The following DNAH8 variants were observed in gnomAD, a reference collection of about 807,000 sequenced individuals.
DNAH8 encodes dynein axonemal heavy chain 8, also known as axonemal beta dynein heavy chain 8.
Under a neutral mutation model 562.1 loss-of-function variants are expected in DNAH8, and 382 were observed. That is an observed-to-expected ratio of 0.68 (90% confidence interval 0.63 to 0.74). DNAH8 has a LOEUF of 0.74. Ranked by LOEUF, DNAH8 falls within the 30% of genes least tolerant of loss-of-function variation. DNAH8 has a pLI of 0.00. For missense variants in DNAH8, 5,203 were observed against 5,620.4 expected, an observed-to-expected ratio of 0.93 and a Z score of 2.37; for synonymous variants, 1,881 against 1,919.4, an observed-to-expected ratio of 0.98 and a Z score of 0.52.
chr6:38,721,011 G>A (rs1302871848), intron 1 of DNAH8, among the ~76,000 whole-genome samples: 7 of 152,142 alleles, frequency 4.6e-5, no homozygotes. Context: ...CAGACAGGTT[G>A]TTTGAAAATG....
intron 82 of DNAH8, among the ~76,000 whole-genome samples, chr6:38,959,338 G>T (rs1762464639): frequency 6.6e-6 from 1 of 152,110 alleles, no homozygotes; most frequent in Admixed American, 6.5e-5. Flanking sequence ...AAGTCAAATT[G>T]TCCCTATTTG....
chr6:38,943,623 G>A (rs1465778233), intron 79 of DNAH8, among the ~76,000 whole-genome samples: 2 of 152,114 alleles, frequency 1.3e-5, no homozygotes, highest in African/African-American at 4.8e-5. Context: ...ATAGAGCAAT[G>A]GACTTATCTT....
chr6:38,895,767 G>A lies in DNAH8; in HGVS notation c.8748-266G>A, dbSNP rs569075529. 4.6e-5 allele frequency among the ~76,000 whole-genome samples: 7 copies of A among 152,276 alleles called. No homozygotes were observed. In the South Asian group the frequency reaches 1.2e-3, roughly 27 times the overall value. ...AGAAAGAGGACGCTCGTCCACTACCGACCATCACTTCTGCTCTCCTATCGC... is the reference window on the plus strand; with the variant it reads ...AGAAAGAGGACGCTCGTCCACTACCAACCATCACTTCTGCTCTCCTATCGC... On this transcript the variant is annotated intron_variant, in intron 59 of 92. Coordinates refer to ENST00000327475, the MANE Select transcript of DNAH8 (RefSeq NM_001206927.2).
At chr6:39,011,807 C>T (rs2150772194) in intron 89 of DNAH8, among the ~76,000 whole-genome samples, 1 of 152,274 alleles carries the variant, frequency 6.6e-6, no homozygotes, top group Non-Finnish European at 1.5e-5. Flanking sequence ...GCTGTATTAA[C>T]TTTCTATGAC....
At position 38,924,128 on chromosome 6, in the gene DNAH8, T is replaced by G; in HGVS notation, c.10928T>G (p.Leu3643Arg). The change falls in exon 73 of 93, where the codon CTG (leucine) becomes CGG (arginine). Residue 3643 changes from leucine (L) to arginine (R), a missense_variant. Coordinates refer to ENST00000327475, the MANE Select transcript of DNAH8 (RefSeq NM_001206927.2). The part of the protein sequence containing the change: ...RARKIPFTEN[L>R]NLISMLVDPP... ...CGGAAAATTCCTTTCACAGAAAACC[T>G]GAATCTTATTTCAATGTTGGTGGAT... is the stretch of plus-strand genomic sequence containing the variant. 6.2e-7 allele frequency: 1 copy of G among 1,613,950 alleles called. No homozygotes were observed. The highest frequency in any genetic ancestry group is 8.5e-7 in the Non-Finnish European group (1 of 1,179,868).
chr6:38,956,628 G>A (rs1762262524), intron 82 of DNAH8, among the ~76,000 whole-genome samples: 1 of 152,194 alleles, frequency 6.6e-6, no homozygotes, highest in African/African-American at 2.4e-5. Context: ...TTCTGGGCTT[G>A]TGTCCCTGAC....
At chr6:38,906,908 T>C (rs1429200877) in intron 63 of DNAH8, among the ~76,000 whole-genome samples, 1 of 152,210 alleles carries the variant, frequency 6.6e-6, no homozygotes, top group African/African-American at 2.4e-5. Flanking sequence ...CTGAAACTTT[T>C]TGAGCACGGA....
intron 88 of DNAH8, among the ~76,000 whole-genome samples, chr6:38,996,299 G>A (rs1765128105): frequency 6.6e-6 from 1 of 151,956 alleles, no homozygotes; most frequent in Non-Finnish European, 1.5e-5. Flanking sequence ...TTATAGTCAT[G>A]TCCACCTTCC....
chr6:38,984,349 C>T, intron 87 of DNAH8, 42 bp downstream of exon 87: 2 of 1,324,326 alleles, frequency 1.5e-6, no homozygotes, highest in South Asian at 2.4e-5. Flanking sequence ...ACACATTTCA[C>T]TGTATTTTCC....
intron 91 of DNAH8, among the ~76,000 whole-genome samples, chr6:39,019,508 T>C (rs1224287251): frequency 6.6e-6 from 1 of 152,172 alleles, no homozygotes; most frequent in Non-Finnish European, 1.5e-5. Context: ...AGAATTCTGT[T>C]GAGGCTCTTC....
chr6:38,734,324 A>AG, intron 4 of DNAH8, 150 bp from the exon 5 acceptor site: 1 of 475,478 alleles, frequency 2.1e-6, no homozygotes, highest in Non-Finnish European at 3.0e-6. Context: ...ATCTTCTAGT[A>AG]GACCCCCCCC....
At chr6:38,876,149 TCATGATGCAAAGCA>T (rs1479981235) in intron 53 of DNAH8, among the ~76,000 whole-genome samples, 1 of 152,206 alleles carries the variant, frequency 6.6e-6, no homozygotes, top group Admixed American at 6.5e-5. Flanking sequence ...CACAGATTCT[TCATGATGCAAAGCA>T]TGCTAATACA....
intron 82 of DNAH8, among the ~76,000 whole-genome samples, chr6:38,955,016 G>A (rs1762153520): frequency 6.6e-6 from 1 of 152,164 alleles, no homozygotes; most frequent in Non-Finnish European, 1.5e-5. Flanking sequence ...CACCCAGGCT[G>A]GAGTGCAGTG....
intron 62 of DNAH8, among the ~76,000 whole-genome samples, chr6:38,903,843 C>A (rs374916850): frequency 8.9e-4 from 135 of 152,054 alleles, no homozygotes; most frequent in African/African-American, 2.8e-3. Flanking sequence ...AACTCCTGAC[C>A]TTGTGATCCA....
At chr6:38,777,635 G>A (rs1477964129) in intron 13 of DNAH8, among the ~76,000 whole-genome samples, 1 of 152,110 alleles carries the variant, frequency 6.6e-6, no homozygotes, top group Non-Finnish European at 1.5e-5. Flanking sequence ...TTCTTGCTAT[G>A]TTGCCCAAGC....
intron 8 of DNAH8, among the ~76,000 whole-genome samples, chr6:38,749,480 A>G (rs1765237346): frequency 6.6e-6 from 1 of 151,638 alleles, no homozygotes; most frequent in Admixed American, 6.6e-5. Flanking sequence ...ACCATGGCAC[A>G]TATATACTAT....
chr6:38,831,624 C>A (rs1773845625), intron 30 of DNAH8, among the ~76,000 whole-genome samples: 1 of 151,998 alleles, frequency 6.6e-6, no homozygotes, highest in Admixed American at 6.6e-5. Flanking sequence ...CAGTTAATAG[C>A]AGGGGCCCTG....
rs1195232317 is a variant in DNAH8, at chr6:38,924,148, G to A, written c.10948G>A (p.Val3650Met). 4 of 1,613,646 alleles carry A rather than the reference G, an allele frequency of 2.5e-6. No individual in the cohort carries two copies. Among genetic ancestry groups the A allele is most frequent in the Non-Finnish European group, 2.5e-6 (3 of 1,179,762 alleles). Residue 3650 changes from valine to methionine, a missense_variant, in exon 73 of 93, where the codon GTG becomes ATG. Physicochemically the swap from Val to Met is conservative, Grantham distance 21. Transcript: ENST00000327475. ...AAACCTGAATCTTATTTCAATGTTGGTGGATCCTCCAACTGTAAGTTTTAC... is the reference window on the plus strand; with the variant it reads ...AAACCTGAATCTTATTTCAATGTTGATGGATCCTCCAACTGTAAGTTTTAC... Reference protein sequence around the residue: ...TENLNLISMLVDPPTIGEWGL... With the variant: ...TENLNLISMLMDPPTIGEWGL...
At chr6:38,911,402 G>GA (rs1377634484) in intron 65 of DNAH8, 66 bp from the exon 66 acceptor site, 1 of 1,155,670 alleles carries the variant, frequency 8.7e-7, no homozygotes, top group Admixed American at 1.7e-5. Flanking sequence ...TTCACCTTGG[G>GA]AAAGGTGTCG....
Sources: gnomAD v4.1 joint callset for allele counts (sites outside exome capture counted in the v4.1 genomes callset) on GRCh38, gnomAD v4.1.1 for gene constraint, MANE v1.5 for transcripts, NCBI Gene and HGNC (gene_info 2026-07-23, HGNC 2026-07-21) for gene names.